Variants in CENPP observed in about 807,000 individuals in gnomAD.
CENPP encodes the protein centromere protein P.
CENPP carries 24 observed loss-of-function variants against 35.6 expected under a neutral mutation model. That is an observed-to-expected ratio of 0.67 (90% CI 0.49 to 0.95). CENPP has a LOEUF of 0.95. Ranked by LOEUF, CENPP falls within the 40% of genes least tolerant of loss-of-function variation. The pLI, the probability that CENPP is intolerant of heterozygous loss-of-function variation, is 0.00. For missense variants in CENPP, 332 were observed against 345.3 expected (o/e 0.96, Z 0.31); for synonymous variants, 120 against 125.5 (o/e 0.96, Z 0.29).
intron 5 of CENPP, among the ~76,000 whole-genome samples, chr9:92,462,264 C>G (rs907472457): frequency 2.0e-5 from 3 of 152,220 alleles, no homozygotes; most frequent in African/African-American, 7.2e-5. Context: ...AGGCATGAGC[C>G]ACTGTGCCTG....
intron 5 of CENPP, among the ~76,000 whole-genome samples, chr9:92,585,819 T>C (rs1216724888): frequency 2.0e-5 from 3 of 152,212 alleles, no homozygotes; most frequent in Admixed American, 1.3e-4. Flanking sequence ...GGCTATCATC[T>C]ATCCTTCCCT....
chr9:92,327,865 T>C (rs1840615357), intron 1 of CENPP, among the ~76,000 whole-genome samples: 1 of 152,248 alleles, frequency 6.6e-6, no homozygotes, highest in Admixed American at 6.5e-5. Flanking sequence ...GTATGTGACT[T>C]AACCCTTGCC....
At chr9:92,364,187 T>G (rs1007091573) in intron 4 of CENPP, among the ~76,000 whole-genome samples, 8 of 151,742 alleles carry the variant, frequency 5.3e-5, no homozygotes, top group African/African-American at 1.9e-4. Context: ...CTGCTTTTTT[T>G]TTTTCAATTA....
chr9:92,577,922 T>C (rs1233551277), intron 5 of CENPP, among the ~76,000 whole-genome samples: 1 of 150,286 alleles, frequency 6.7e-6, no homozygotes, highest in Non-Finnish European at 1.5e-5. Context: ...TACCATTAGG[T>C]ATATCTCCCA....
chr9:92,368,369 T>A (rs1841937395), intron 4 of CENPP, among the ~76,000 whole-genome samples: 1 of 152,198 alleles, frequency 6.6e-6, no homozygotes, highest in African/African-American at 2.4e-5. Context: ...CTGAAACGCT[T>A]CTGGTACCAA....
chr9:92,379,719 C>A (rs377479211), intron 4 of CENPP, 44 bp from the exon 5 acceptor site: 2 of 1,398,386 alleles, frequency 1.4e-6, no homozygotes, highest in South Asian at 1.2e-5. Context: ...TTGGGTCTAT[C>A]ATTTAATGAT....
intron 5 of CENPP, among the ~76,000 whole-genome samples, chr9:92,383,799 CTT>C (rs1221840526): frequency 2.0e-5 from 3 of 151,834 alleles, no homozygotes; most frequent in Non-Finnish European, 4.4e-5. Flanking sequence ...AAACTACTGA[CTT>C]TTGAATTTTT....
At chr9:92,500,621 A>AT (rs999331068) in intron 5 of CENPP, 1,076 of 1,161,128 alleles carry the variant, frequency 9.3e-4, no homozygotes, top group Middle Eastern at 1.1e-3. Context: ...CCTTAGCACC[A>AT]TTTTTTTTTC....
chr9:92,533,306 A>ACAAAC (rs1336997444), intron 5 of CENPP, among the ~76,000 whole-genome samples: 70 of 42,952 alleles, frequency 1.6e-3, no homozygotes, highest in Non-Finnish European at 2.4e-3. Flanking sequence ...TCTCAAACAA[A>ACAAAC]AAAAAAAAAA....
intron 2 of CENPP, among the ~76,000 whole-genome samples, chr9:92,335,738 G>C (rs1250158379): frequency 6.6e-6 from 1 of 152,034 alleles, no homozygotes; most frequent in Admixed American, 6.6e-5. Flanking sequence ...CTGTTCTATT[G>C]ACCTATTTGT....
chr9:92,425,371 T>C (rs1843937632), intron 5 of CENPP, among the ~76,000 whole-genome samples: 1 of 152,232 alleles, frequency 6.6e-6, no homozygotes, highest in Non-Finnish European at 1.5e-5. Context: ...TGTTACTCAA[T>C]AGCTATTGCC....
intron 5 of CENPP, among the ~76,000 whole-genome samples, chr9:92,610,319 G>T (rs1208103278): frequency 6.6e-6 from 1 of 152,170 alleles, no homozygotes; most frequent in African/African-American, 2.4e-5. Flanking sequence ...CTCCTAAAGT[G>T]CTGGGATTAC....
chr9:92,448,794 A>G (rs1218029328), intron 5 of CENPP, among the ~76,000 whole-genome samples: 3 of 152,204 alleles, frequency 2.0e-5, no homozygotes, highest in Non-Finnish European at 2.9e-5. Context: ...ACACCTTAGC[A>G]GAATCGGGCT....
chr9:92,431,749 A>G (rs1156524090), intron 5 of CENPP, among the ~76,000 whole-genome samples: 1 of 151,602 alleles, frequency 6.6e-6, no homozygotes, highest in Non-Finnish European at 1.5e-5. Context: ...TAATTTTTGT[A>G]TTTTTAGTAG....
intron 5 of CENPP, among the ~76,000 whole-genome samples, chr9:92,546,840 A>G (rs1327365133): frequency 1.3e-5 from 2 of 152,216 alleles, no homozygotes; most frequent in Non-Finnish European, 2.9e-5. Context: ...GAAAATCTAA[A>G]TTGTCTATAA....
At chr9:92,392,990 T>G (rs1256943902) in intron 5 of CENPP, 1 of 952,154 alleles carries the variant, frequency 1.1e-6, no homozygotes, top group East Asian at 2.6e-5. Context: ...GTGACAAACC[T>G]GAATGTGATA....
At chr9:92,342,053 A>G (rs549067908) in intron 3 of CENPP, among the ~76,000 whole-genome samples, 9 of 152,362 alleles carry the variant, frequency 5.9e-5, no homozygotes, top group Admixed American at 4.6e-4. Context: ...GTTTTATGAT[A>G]ATCAGGTTCT....
chr9:92,401,700 G>T (rs973282251), intron 5 of CENPP, among the ~76,000 whole-genome samples: 2 of 152,070 alleles, frequency 1.3e-5, no homozygotes, highest in Non-Finnish European at 2.9e-5. Context: ...TTAAGCCCTG[G>T]CTCTTGGATC....
intron 5 of CENPP, among the ~76,000 whole-genome samples, chr9:92,420,144 A>T (rs537243746): frequency 1.3e-5 from 2 of 152,194 alleles, no homozygotes; most frequent in African/African-American, 4.8e-5. Flanking sequence ...CTATTACTGG[A>T]ACCCTTCATA....
Sources: allele counts gnomAD v4.1 joint callset (sites outside exome capture counted in the v4.1 genomes callset), GRCh38; gene constraint gnomAD v4.1.1; transcripts MANE v1.5; gene names NCBI Gene and HGNC (gene_info 2026-07-23, HGNC 2026-07-21).